Variants in MTUS1 observed in about 807,000 individuals in gnomAD.
The protein encoded by MTUS1 is microtubule-associated tumor suppressor 1.
A neutral mutation model predicts 120.8 loss-of-function variants in MTUS1; 109 were observed. The ratio of observed to expected loss-of-function variants is 0.90; its 90% CI spans 0.77 to 1.06. The LOEUF is 1.06. MTUS1 is among the 50% of genes least tolerant of loss of function. MTUS1 has a pLI of 0.00. For synonymous variants in MTUS1, 737 were observed against 550.5 expected (o/e 1.34, Z -4.74); for missense variants, 2,210 against 1,486.3 (o/e 1.49, Z -8.01).
At chr8:17,722,150 C>A in intron 4 of MTUS1, 1 of 1,153,160 alleles carries the variant, frequency 8.7e-7, no homozygotes, top group Non-Finnish European at 1.1e-6. Flanking sequence ...ATGGTAAACC[C>A]CTTTGTTAAA....
intron 5 of MTUS1, among the ~76,000 whole-genome samples, chr8:17,714,529 C>A (rs1205009649): frequency 6.6e-6 from 1 of 152,160 alleles, no homozygotes; most frequent in African/African-American, 2.4e-5. Context: ...TATTAATAAA[C>A]CCCAATAAAA....
At chr8:17,658,180 G>A (rs976886923) in intron 8 of MTUS1, among the ~76,000 whole-genome samples, 1 of 151,980 alleles carries the variant, frequency 6.6e-6, no homozygotes, top group Non-Finnish European at 1.5e-5. Context: ...TGGGATTACG[G>A]CACATGCCAC....
intron 8 of MTUS1, among the ~76,000 whole-genome samples, chr8:17,659,369 G>A (rs995202666): frequency 6.6e-6 from 1 of 152,172 alleles, no homozygotes; most frequent in Admixed American, 6.5e-5. Flanking sequence ...GGTTTGGTCA[G>A]ATTTTTAAAA....
intron 2 of MTUS1, among the ~76,000 whole-genome samples, chr8:17,744,824 T>A (rs1324400819): frequency 6.6e-6 from 1 of 151,916 alleles, no homozygotes; most frequent in Non-Finnish European, 1.5e-5. Flanking sequence ...ATTACAGGCG[T>A]GAGCCAATAA....
At chr8:17,759,093 G>T (rs1465747888) in intron 1 of MTUS1, among the ~76,000 whole-genome samples, 3 of 151,880 alleles carry the variant, frequency 2.0e-5, no homozygotes, top group Non-Finnish European at 4.4e-5. Flanking sequence ...GTGTTAGCCA[G>T]CATGGTCTTG....
chr8:17,697,407 G>C (rs772126453), intron 6 of MTUS1: 2 of 1,612,312 alleles, frequency 1.2e-6, no homozygotes, highest in Admixed American at 3.3e-5. Context: ...AGATTTCACA[G>C]AAGAGGCAAT....
In MTUS1 at chr8:17,685,703, A is replaced by G. The variant is rs529003728; in HGVS notation, c.2624-1161T>C. Among the ~76,000 whole-genome samples, 313 of 149,912 alleles carry G rather than the reference A, an allele frequency of 2.1e-3. 2 individuals carry two copies. The highest frequency in any genetic ancestry group is 7.2e-3 in the African/African-American group (296 of 41,120). On this transcript the variant is annotated intron_variant, in intron 6 of 14. Coordinates refer to ENST00000693296, the MANE Select transcript of MTUS1 (RefSeq NM_001363059.2). The stretch of plus-strand genomic sequence containing the variant: ...AACTAAGTTAAAAACAGGGAAAAAA[A>G]GGCTCTTATTTTCTATGGCTGCATT...
rs559862350 is a variant in MTUS1, at chr8:17,788,007, G to A, written c.-155+13054C>T. On this transcript the variant is annotated intron_variant, in intron 1 of 14. Transcript: ENST00000693296. Reference sequence around the variant, plus strand: ...GTGGTGGTGGGTGCCTGTAATCCCAGCTACTCCGGAGGCTGAAGTAGGAGA... The same window carrying A: ...GTGGTGGTGGGTGCCTGTAATCCCAACTACTCCGGAGGCTGAAGTAGGAGA... Among the ~76,000 whole-genome samples the A allele has an allele frequency of 1.7e-3, 266 of 152,278 alleles. 2 individuals carry two copies. Among genetic ancestry groups the A allele is most frequent in the African/African-American group, 6.1e-3 (254 of 41,560 alleles).
intron 7 of MTUS1, among the ~76,000 whole-genome samples, chr8:17,681,837 C>A (rs564617253): frequency 3.1e-4 from 44 of 142,934 alleles, no homozygotes; most frequent in African/African-American, 8.5e-4. Context: ...TTCCTAGTAG[C>A]CACGCTGAGA....
intron 6 of MTUS1, chr8:17,708,806 G>A (rs1461109918): frequency 6.6e-6 from 1 of 152,158 alleles, no homozygotes; most frequent in Non-Finnish European, 1.5e-5. Context: ...CATTCTGCAT[G>A]GCTGTCTTCC....
intron 7 of MTUS1, among the ~76,000 whole-genome samples, chr8:17,679,487 T>C (rs1181787765): frequency 2.5e-4 from 8 of 32,320 alleles, no homozygotes; most frequent in African/African-American, 5.0e-4. Context: ...ACTATTTTTA[T>C]TTTATTTATT....
chr8:17,801,185 G>C (rs1382977297), upstream of MTUS1, among the ~76,000 whole-genome samples: 1 of 151,410 alleles, frequency 6.6e-6, no homozygotes, highest in African/African-American at 2.4e-5. Context: ...TCTGCACCTG[G>C]GGGCGCGCGG....
At chr8:17,692,437 C>T (rs1039763711) in intron 6 of MTUS1, among the ~76,000 whole-genome samples, 4 of 152,124 alleles carry the variant, frequency 2.6e-5, no homozygotes, top group South Asian at 2.1e-4. Context: ...GCAGAGCCAC[C>T]GAACAACCTC....
intron 3 of MTUS1, among the ~76,000 whole-genome samples, chr8:17,733,462 T>C (rs1048227379): frequency 6.6e-6 from 1 of 152,132 alleles, no homozygotes; most frequent in Non-Finnish European, 1.5e-5. Flanking sequence ...AATTTTTAAG[T>C]TAAAAGCTAT....
chr8:17,697,260 T>C, intron 6 of MTUS1: 1 of 1,613,658 alleles, frequency 6.2e-7, no homozygotes, highest in Non-Finnish European at 8.5e-7. Flanking sequence ...GACAGACCTG[T>C]GTGGAAAACA....
chr8:17,728,982 T>C (rs947017107), intron 3 of MTUS1, among the ~76,000 whole-genome samples: 1 of 152,176 alleles, frequency 6.6e-6, no homozygotes, highest in Non-Finnish European at 1.5e-5. Context: ...AATATATCAG[T>C]ATGGCACACA....
At chr8:17,769,456 T>A (rs2049844633) in intron 1 of MTUS1, among the ~76,000 whole-genome samples, 1 of 150,554 alleles carries the variant, frequency 6.6e-6, no homozygotes. Context: ...CACGCCATTC[T>A]CCTGCCTCAG....
At chr8:17,769,897 C>T (rs1464887452) in intron 1 of MTUS1, among the ~76,000 whole-genome samples, 1 of 105,744 alleles carries the variant, frequency 9.5e-6, no homozygotes, top group African/African-American at 4.2e-5. Flanking sequence ...CACACACACA[C>T]ACACACACAC....
chr8:17,772,815 C>A (rs1217428347), intron 1 of MTUS1, among the ~76,000 whole-genome samples: 1 of 151,724 alleles, frequency 6.6e-6, no homozygotes, highest in Non-Finnish European at 1.5e-5. Flanking sequence ...AATTCAGCAC[C>A]AAAAAAACAC....
Sources: allele counts gnomAD v4.1 joint callset (sites outside exome capture counted in the v4.1 genomes callset), GRCh38; gene constraint gnomAD v4.1.1; transcripts MANE v1.5; gene names NCBI Gene and HGNC (gene_info 2026-07-23, HGNC 2026-07-21).